The following USO1 variants were observed in gnomAD, a reference collection of about 807,000 sequenced individuals.
USO1 encodes USO1 vesicle transport factor.
In USO1, 57 loss-of-function variants were observed where a neutral mutation model predicts 124.5. The observed-to-expected ratio is 0.46, with a 90% confidence interval of 0.37 to 0.57. The LOEUF is 0.57. Among genes scored for constraint, USO1 ranks in the 20% least tolerant of loss-of-function variants. USO1 has a pLI of 0.00. For synonymous variants in USO1, 369 were observed against 362.8 expected (o/e 1.02, Z -0.19); for missense variants, 900 against 1,040.6 (o/e 0.86, Z 1.86).
chr4:75,753,151 G>T (rs1305816555), intron 3 of USO1, among the ~76,000 whole-genome samples: 4 of 152,160 alleles, frequency 2.6e-5, no homozygotes, highest in Non-Finnish European at 5.9e-5. Flanking sequence ...AGATATGGTG[G>T]CTCAAGCTTG....
rs1411752122 is a variant in USO1, at chr4:75,813,899, G to GTGT, written c.*604_*605insTGT. The GTGT allele has an allele frequency of 6.6e-6, 1 of 152,228 alleles. No homozygotes were observed. The highest frequency in any genetic ancestry group is 2.4e-5 in the African/African-American group (1 of 41,460). The allele number at this position is 152,228 out of a possible 1,614,324, so 9.4% of individuals were successfully genotyped here. A position where few individuals can be genotyped will look rare whatever the true frequency, so the allele number is the denominator to read the frequency against. ...CTCAGTGAAGAAGCCGAAGGATGCT[G>GTGT]ACACACAGTGATGTGGAGGGCATTC... On this transcript the variant is annotated 3_prime_UTR_variant, in exon 24 of 24. Transcript: ENST00000514213.
intron 1 of USO1, among the ~76,000 whole-genome samples, chr4:75,730,841 C>G (rs1003167066): frequency 6.6e-6 from 1 of 151,502 alleles, no homozygotes; most frequent in Non-Finnish European, 1.5e-5. Flanking sequence ...AAGAGACAGG[C>G]TCACAATATG....
In USO1 at chr4:75,770,480, T is replaced by A; in HGVS notation, c.337T>A (p.Phe113Ile). ...TRQSEDLGSQ[F>I]TEIFIKQQEN... ...ACAGAGTGAAGATTTGGGAAGCCAA[T>A]TTACAGAAATTTTCATTAAGCAGCA... The change falls in exon 5 of 24, where the codon TTT becomes ATT. Residue 113 changes from phenylalanine (F) to isoleucine (I), a missense_variant. Transcript: ENST00000514213. 1 of 1,595,860 alleles carries A rather than the reference T, an allele frequency of 6.3e-7. No homozygotes were observed. Among genetic ancestry groups the A allele is most frequent in the Middle Eastern group, 1.7e-4 (1 of 6,040 alleles).
chr4:75,741,098 A>G (rs1396488243), intron 1 of USO1, among the ~76,000 whole-genome samples: 16 of 152,224 alleles, frequency 1.1e-4, no homozygotes, highest in Admixed American at 1.0e-3. Flanking sequence ...AGTATAGCCT[A>G]CTATTCACCT....
At chr4:75,747,591 T>C (rs2137431) in intron 1 of USO1, among the ~76,000 whole-genome samples, 1 of 150,832 alleles carries the variant, frequency 6.6e-6, no homozygotes. Context: ...TGTTCTTATA[T>C]TCACCTTTGA....
intron 4 of USO1, among the ~76,000 whole-genome samples, chr4:75,761,410 G>A (rs1721603997): frequency 6.6e-6 from 1 of 152,066 alleles, no homozygotes; most frequent in Non-Finnish European, 1.5e-5. Flanking sequence ...ACAACATAGT[G>A]AAACCCTGCC....
intron 3 of USO1, 74 bp from the exon 4 acceptor site, chr4:75,757,423 A>G (rs4859552): frequency 0.59 from 776,139 of 1,306,884 alleles, 235,077 homozygotes; most frequent in East Asian, 0.83. Flanking sequence ...TAAAATTGCT[A>G]AATAACTAAA....
chr4:75,781,820 G>A (rs1722229937), intron 8 of USO1, among the ~76,000 whole-genome samples: 1 of 152,138 alleles, frequency 6.6e-6, no homozygotes, highest in Non-Finnish European at 1.5e-5. Flanking sequence ...TAAAAGTGTT[G>A]ATGTACCAGA....
At chr4:75,731,902 T>C (rs540983259) in intron 1 of USO1, among the ~76,000 whole-genome samples, 1 of 152,252 alleles carries the variant, frequency 6.6e-6, no homozygotes, top group East Asian at 1.9e-4. Flanking sequence ...ATTACACTAG[T>C]GTCCTTTAAT....
intron 1 of USO1, among the ~76,000 whole-genome samples, chr4:75,739,543 T>C (rs562535804): frequency 2.1e-5 from 3 of 143,368 alleles, no homozygotes; most frequent in South Asian, 4.6e-4. Flanking sequence ...TTTTTCTTTT[T>C]TTTTTTTTTT....
chr4:75,733,250 C>G (rs942416053), intron 1 of USO1, among the ~76,000 whole-genome samples: 4 of 151,780 alleles, frequency 2.6e-5, no homozygotes, highest in Admixed American at 2.6e-4. Flanking sequence ...CACAGTGAGA[C>G]TCTGTCTCAA....
intron 1 of USO1, among the ~76,000 whole-genome samples, chr4:75,742,965 G>A (rs1414678392): frequency 2.0e-5 from 3 of 151,926 alleles, no homozygotes; most frequent in Non-Finnish European, 4.4e-5. Flanking sequence ...GATCCCATCT[G>A]GGAAAGTGAA....
intron 7 of USO1, among the ~76,000 whole-genome samples, chr4:75,774,212 G>A (rs1317514556): frequency 1.3e-5 from 2 of 152,086 alleles, no homozygotes; most frequent in African/African-American, 4.8e-5. Flanking sequence ...GGGATTTGAA[G>A]GCCAGATGTT....
rs1442149136 is a variant in USO1, at chr4:75,724,730, G to C, written c.-90G>C. On this transcript the variant is annotated 5_prime_UTR_variant, in exon 1 of 24. Transcript: ENST00000514213. ...GCAGCAGTAGGAGTGTGTAGAGTGC[G>C]GGATTGGGGCCCAGGCCCTGCGGAG... 7.3e-7 allele frequency: 1 copy of C among 1,371,306 alleles called. No homozygotes were observed. Among genetic ancestry groups the C allele is most frequent in the Non-Finnish European group, 1.0e-6 (1 of 981,766 alleles). 84.9% of individuals were successfully genotyped at this position (1,371,306 alleles called of 1,614,324 possible).
chr4:75,728,958 C>T lies in USO1; in HGVS notation c.66+4073C>T, dbSNP rs144297232. Reference sequence around the variant, plus strand: ...GGACTACAGGTGTCTGCCACCACACCGGCTAATTTTTGTATTTTTAGTGGA... The same window carrying T: ...GGACTACAGGTGTCTGCCACCACACTGGCTAATTTTTGTATTTTTAGTGGA... On this transcript the variant is annotated intron_variant, in intron 1 of 23. Coordinates refer to ENST00000514213, the MANE Select transcript of USO1 (RefSeq NM_003715.4). Among the ~76,000 whole-genome samples, 393 of 152,012 alleles carry T rather than the reference C, an allele frequency of 2.6e-3. 4 individuals are homozygous for T. The highest frequency in any genetic ancestry group is 9.0e-3 in the African/African-American group (374 of 41,488).
At chr4:75,785,140 A>C (rs550936269) in intron 9 of USO1, among the ~76,000 whole-genome samples, 1 of 152,268 alleles carries the variant, frequency 6.6e-6, no homozygotes, top group Admixed American at 6.5e-5. Context: ...CTTGGATTTT[A>C]AGTTCTCTAT....
At chr4:75,781,772 AATTT>A (rs1722228956) in intron 8 of USO1, among the ~76,000 whole-genome samples, 1 of 152,078 alleles carries the variant, frequency 6.6e-6, no homozygotes, top group African/African-American at 2.4e-5. Context: ...AAAAAAAAAT[AATTT>A]ATTTTTGTCA....
At chr4:75,766,139 A>G (rs324718) in intron 4 of USO1, among the ~76,000 whole-genome samples, 137,543 of 152,194 alleles carry the variant, frequency 0.9, 62,319 homozygotes, top group African/African-American at 0.98. Context: ...TTTTTGATAG[A>G]TTGCATATAA....
At chr4:75,803,872 A>C (rs1273166812) in intron 17 of USO1, among the ~76,000 whole-genome samples, 1 of 151,998 alleles carries the variant, frequency 6.6e-6, no homozygotes, top group Non-Finnish European at 1.5e-5. Flanking sequence ...GAGTTTTTTC[A>C]TTTTATTTCC....
Sources: allele counts gnomAD v4.1 joint callset (sites outside exome capture counted in the v4.1 genomes callset), GRCh38; gene constraint gnomAD v4.1.1; transcripts MANE v1.5; gene names NCBI Gene and HGNC (gene_info 2026-07-23, HGNC 2026-07-21).